EDC3: variants seen among roughly 807,000 people sequenced by gnomAD.
EDC3 encodes the protein enhancer of mRNA decapping 3, also known as enhancer of mRNA-decapping protein 3.
A neutral mutation model predicts 41.8 loss-of-function variants in EDC3; 20 were observed. That is an observed-to-expected ratio of 0.48 (90% CI 0.34 to 0.70). The LOEUF (loss-of-function observed/expected upper bound fraction) is 0.70, where lower values mean the gene tolerates loss of function less well. EDC3 is among the 30% of genes least tolerant of loss of function. EDC3 has a pLI of 0.01. For missense variants in EDC3, 444 were observed against 636.8 expected, an observed-to-expected ratio of 0.70 and a Z score of 3.26; for synonymous variants, 206 against 243.2, an observed-to-expected ratio of 0.85 and a Z score of 1.42.
intron 2 of EDC3, among the ~76,000 whole-genome samples, chr15:74,672,876 T>G (rs1428765807): frequency 1.3e-5 from 2 of 152,020 alleles, no homozygotes; most frequent in African/African-American, 4.8e-5. Flanking sequence ...CATAGGAGAC[T>G]AGAGAGCCTA....
chr15:74,686,794 A>AATACAAAATAAATAC (rs1461427464), intron 1 of EDC3, among the ~76,000 whole-genome samples: 1 of 151,676 alleles, frequency 6.6e-6, no homozygotes, highest in African/African-American at 2.4e-5. Flanking sequence ...TAAATACATA[A>AATACAAAATAAATAC]ATGAAGGGAA....
intron 4 of EDC3, among the ~76,000 whole-genome samples, chr15:74,650,625 AG>A (rs1426736929): frequency 6.6e-6 from 1 of 152,220 alleles, no homozygotes; most frequent in Non-Finnish European, 1.5e-5. Context: ...ACTATCTTAG[AG>A]TCAGTTACAC....
intron 4 of EDC3, chr15:74,645,166 G>A (rs983200267): frequency 2.6e-5 from 4 of 152,202 alleles, no homozygotes; most frequent in African/African-American, 4.8e-5. Flanking sequence ...AAACAGAAGA[G>A]ATATGACAGC....
At chr15:74,661,361 A>G (rs990890787) in intron 3 of EDC3, among the ~76,000 whole-genome samples, 6 of 152,150 alleles carry the variant, frequency 3.9e-5, no homozygotes, top group Middle Eastern at 3.2e-3. Flanking sequence ...TCTACATCAA[A>G]ACTCTGCAAA....
intron 4 of EDC3, among the ~76,000 whole-genome samples, chr15:74,646,064 G>GTTTTTT (rs11359170): frequency 7.8e-6 from 1 of 127,512 alleles, no homozygotes; most frequent in Non-Finnish European, 1.7e-5. Context: ...TTGTTGTTTT[G>GTTTTTT]TTTTTTTTTT....
intron 3 of EDC3, among the ~76,000 whole-genome samples, chr15:74,666,387 A>C (rs1219135101): frequency 1.3e-5 from 2 of 152,340 alleles, no homozygotes; most frequent in African/African-American, 4.8e-5. Flanking sequence ...AACAATCTAG[A>C]AAAAGGAAAC....
At chr15:74,687,653 C>T (rs1014536066) in intron 1 of EDC3, among the ~76,000 whole-genome samples, 7 of 152,210 alleles carry the variant, frequency 4.6e-5, no homozygotes, top group Non-Finnish European at 1.0e-4. Flanking sequence ...GGATTACAGG[C>T]ATGAGCCACT....
At chr15:74,649,777 C>T (rs2062458953) in intron 4 of EDC3, among the ~76,000 whole-genome samples, 1 of 151,874 alleles carries the variant, frequency 6.6e-6, no homozygotes, top group Non-Finnish European at 1.5e-5. Context: ...CAATAACTCC[C>T]ACATCTCCCT....
chr15:74,679,264 C>T (rs542076269), intron 1 of EDC3, among the ~76,000 whole-genome samples: 6 of 152,130 alleles, frequency 3.9e-5, no homozygotes, highest in Non-Finnish European at 5.9e-5. Context: ...ATAACTCTGA[C>T]GTGAAAGCCT....
chr15:74,674,880 A>C, intron 2 of EDC3, 81 bp downstream of exon 2: 1 of 1,529,538 alleles, frequency 6.5e-7, no homozygotes, highest in Non-Finnish European at 9.0e-7. Flanking sequence ...CCATATGCCA[A>C]GAGAATACTA....
chr15:74,657,647 A>G (rs1011823064), intron 3 of EDC3, among the ~76,000 whole-genome samples: 1 of 152,202 alleles, frequency 6.6e-6, no homozygotes, highest in Non-Finnish European at 1.5e-5. Context: ...TTATAGCCTG[A>G]AGCTTGTAGG....
At chr15:74,656,139 G>T in intron 3 of EDC3, 71 bp from the exon 4 acceptor site, 1 of 1,388,172 alleles carries the variant, frequency 7.2e-7, no homozygotes, top group Non-Finnish European at 9.9e-7. Flanking sequence ...AAATACATTA[G>T]TCTTTTGTGG....
Position 74,631,867 on chromosome 15 carries a change from T to A in EDC3, c.*745A>T, listed in dbSNP as rs1287947433. The A allele has an allele frequency of 6.5e-6, 1 of 152,826 alleles. No homozygotes were observed. Among genetic ancestry groups the A allele is most frequent in the Non-Finnish European group, 1.5e-5 (1 of 68,380 alleles). The allele number at this position is 152,826 out of a possible 1,614,324, so 9.5% of individuals were successfully genotyped here. ...GGCACTGCTGGCAAGATGGGCACTG[T>A]GGTTCTACAGTAATATAACCTTATA... On this transcript the variant is annotated 3_prime_UTR_variant, in exon 7 of 7. Transcript: ENST00000315127.
chr15:74,691,468 T>C (rs537631832), intron 1 of EDC3, among the ~76,000 whole-genome samples: 24 of 152,334 alleles, frequency 1.6e-4, no homozygotes, highest in Middle Eastern at 3.4e-3. Context: ...ACTTAAGTTA[T>C]GGCGCTGTGA....
chr15:74,662,403 A>G (rs1311380808), intron 3 of EDC3, among the ~76,000 whole-genome samples: 1 of 151,692 alleles, frequency 6.6e-6, no homozygotes, highest in African/African-American at 2.4e-5. Context: ...TGCTGAATTA[A>G]GAAATAAAAA....
Position 74,632,864 on chromosome 15 carries a change from G to A in EDC3, c.1275C>T (p.Tyr425=), listed in dbSNP as rs1567150219. The stretch of plus-strand genomic sequence containing the variant: ...GGTTGGCCCAGGCCACAGCTGCCTT[G>A]TACCAGGGTTGATCGCGCAGGAAGA... The part of the protein sequence containing the change: ...ENVFLRDQPW[Y]KAAVAWANQN... The change falls in exon 7 of 7, where the codon TAC becomes TAT. Residue 425 remains tyrosine, a synonymous_variant. Transcript: ENST00000315127. The surrounding 1 kb of genome is among the most constrained non-coding windows in gnomAD (Gnocchi z 4.0). The A allele has an allele frequency of 1.2e-6, 2 of 1,614,240 alleles. No homozygotes were observed. Among genetic ancestry groups the A allele is most frequent in the Non-Finnish European group, 1.7e-6 (2 of 1,180,032 alleles).
chr15:74,666,456 T>C (rs2062677869), intron 3 of EDC3, among the ~76,000 whole-genome samples: 2 of 152,102 alleles, frequency 1.3e-5, no homozygotes, highest in South Asian at 4.2e-4. Flanking sequence ...TGTCCTGCAA[T>C]AGGTGAATGG....
chr15:74,694,552 C>T (rs555961215), intron 1 of EDC3, among the ~76,000 whole-genome samples: 22 of 152,238 alleles, frequency 1.4e-4, no homozygotes, highest in East Asian at 3.8e-4. Context: ...GTGATCCACC[C>T]GCCTCAGCAT....
chr15:74,678,206 A>G (rs866277409), intron 1 of EDC3, among the ~76,000 whole-genome samples: 1 of 152,200 alleles, frequency 6.6e-6, no homozygotes, highest in Non-Finnish European at 1.5e-5. Flanking sequence ...TACAACACCA[A>G]GAGTGAACCC....
Sources: gnomAD v4.1 joint callset for allele counts (sites outside exome capture counted in the v4.1 genomes callset) on GRCh38, gnomAD v4.1.1 for gene constraint, Gnocchi (gnomAD v3.1) non-coding constraint, MANE v1.5 for transcripts, NCBI Gene and HGNC (gene_info 2026-07-23, HGNC 2026-07-21) for gene names.